The following KHDRBS3 variants were observed in gnomAD, a reference collection of about 807,000 sequenced individuals.
KHDRBS3 encodes KH domain-containing, RNA-binding, signal transduction-associated protein 3.
Under a neutral mutation model 45.6 loss-of-function variants are expected in KHDRBS3, and 23 were observed. The ratio of observed to expected loss-of-function variants is 0.50; its 90% CI spans 0.36 to 0.72. KHDRBS3 has a LOEUF of 0.72. Ranked by LOEUF, KHDRBS3 falls within the 30% of genes least tolerant of loss-of-function variation. The pLI is 0.00. For missense variants in KHDRBS3, 352 were observed against 424.8 expected, an observed-to-expected ratio of 0.83 and a Z score of 1.51; for synonymous variants, 162 against 156.5, an observed-to-expected ratio of 1.04 and a Z score of -0.26.
chr8:135,622,877 T>C (rs904168448), intron 7 of KHDRBS3, among the ~76,000 whole-genome samples: 4 of 152,234 alleles, frequency 2.6e-5, no homozygotes, highest in African/African-American at 7.2e-5. Flanking sequence ...AACCTTGATC[T>C]TGGTCTTTCC....
chr8:135,555,335 C>A (rs1826822872), intron 4 of KHDRBS3, among the ~76,000 whole-genome samples: 2 of 151,902 alleles, frequency 1.3e-5, no homozygotes, highest in African/African-American at 4.8e-5. Context: ...TGGCCCAGCA[C>A]AAATCCGTAA....
chr8:135,537,533 C>T (rs78264771), intron 2 of KHDRBS3, among the ~76,000 whole-genome samples: 2,060 of 152,266 alleles, frequency 0.014, 24 homozygotes, highest in Non-Finnish European at 0.019. Context: ...GATATACTTA[C>T]TATATGTTGT....
In KHDRBS3 at chr8:135,584,541, A is replaced by G. The variant is rs550177744; in HGVS notation, c.807+2468A>G. 5.9e-5 allele frequency among the ~76,000 whole-genome samples: 9 copies of G among 152,332 alleles called. No homozygotes were observed. In the South Asian group the frequency reaches 1.7e-3, roughly 28 times the overall value. On this transcript the variant is annotated intron_variant, in intron 6 of 8. Transcript: ENST00000355849. Reference sequence around the variant, plus strand: ...CTTTTAAGATTACTAGTCAAGAGAAAAGATTTTCCTCATTTAGCTTAGCAT... The same window carrying G: ...CTTTTAAGATTACTAGTCAAGAGAAGAGATTTTCCTCATTTAGCTTAGCAT...
At chr8:135,542,498 G>A (rs913515161) in intron 2 of KHDRBS3, 156 bp from the exon 3 acceptor site, 6 of 571,854 alleles carry the variant, frequency 1.0e-5, no homozygotes, top group Non-Finnish European at 1.9e-5. Context: ...TTTATGTGGT[G>A]TGTGGGAAAC....
intron 5 of KHDRBS3, among the ~76,000 whole-genome samples, chr8:135,573,566 G>A (rs1009299094): frequency 1.3e-5 from 2 of 152,208 alleles, no homozygotes; most frequent in Non-Finnish European, 2.9e-5. Context: ...CCAGTTTACA[G>A]ATAGGAAAAC....
intron 7 of KHDRBS3, among the ~76,000 whole-genome samples, chr8:135,637,175 T>C (rs138519964): frequency 6.6e-6 from 1 of 152,330 alleles, no homozygotes; most frequent in Non-Finnish European, 1.5e-5. Flanking sequence ...AAGGCTCTTA[T>C]TGAAAGCAGA....
intron 2 of KHDRBS3, among the ~76,000 whole-genome samples, chr8:135,536,080 G>A (rs1369396608): frequency 6.6e-6 from 1 of 151,868 alleles, no homozygotes; most frequent in East Asian, 1.9e-4. Flanking sequence ...TTTTCTAATT[G>A]GGTGGTTTCC....
chr8:135,580,086 C>T (rs1828130046), intron 5 of KHDRBS3, among the ~76,000 whole-genome samples: 1 of 152,154 alleles, frequency 6.6e-6, no homozygotes, highest in Non-Finnish European at 1.5e-5. Context: ...CCAGTTGTAG[C>T]CTCTGAGGGT....
At chr8:135,612,289 A>G (rs569135181) in intron 7 of KHDRBS3, among the ~76,000 whole-genome samples, 1 of 152,024 alleles carries the variant, frequency 6.6e-6, no homozygotes, top group South Asian at 2.1e-4. Flanking sequence ...GATGCTTTAA[A>G]ATCTCTTAGG....
chr8:135,599,087 TTC>T (rs1304523611), intron 6 of KHDRBS3, among the ~76,000 whole-genome samples: 1 of 152,210 alleles, frequency 6.6e-6, no homozygotes, highest in Middle Eastern at 3.2e-3. Context: ...AAAGCAAGAT[TTC>T]TCTGTTGTTT....
At chr8:135,590,279 C>T (rs1563790497) in intron 6 of KHDRBS3, among the ~76,000 whole-genome samples, 1 of 152,204 alleles carries the variant, frequency 6.6e-6, no homozygotes, top group African/African-American at 2.4e-5. Flanking sequence ...CTTACGGCTC[C>T]ACTGTCCTAT....
chr8:135,491,777 C>CT (rs975509992), intron 1 of KHDRBS3, among the ~76,000 whole-genome samples: 11 of 152,014 alleles, frequency 7.2e-5, no homozygotes, highest in South Asian at 6.2e-4. Context: ...TTGTTTTAGC[C>CT]TTTTTTTACT....
intron 1 of KHDRBS3, among the ~76,000 whole-genome samples, chr8:135,491,682 T>C (rs1586600262): frequency 6.6e-6 from 1 of 152,304 alleles, no homozygotes; most frequent in East Asian, 1.9e-4. Context: ...TGGTTCTCAG[T>C]GTGTCATTCA....
At chr8:135,645,357 G>A (rs556441631) in intron 8 of KHDRBS3, among the ~76,000 whole-genome samples, 17 of 152,170 alleles carry the variant, frequency 1.1e-4, no homozygotes, top group Non-Finnish European at 1.9e-4. Context: ...TTATGTTTGA[G>A]TTGGTCGCCG....
intron 6 of KHDRBS3, among the ~76,000 whole-genome samples, chr8:135,606,226 G>T (rs886992096): frequency 1.1e-4 from 16 of 151,806 alleles, no homozygotes; most frequent in African/African-American, 3.6e-4. Context: ...TCTTTTCTGG[G>T]CATGGATATG....
intron 5 of KHDRBS3, among the ~76,000 whole-genome samples, chr8:135,578,683 T>C (rs1828061121): frequency 6.6e-6 from 1 of 152,148 alleles, no homozygotes; most frequent in African/African-American, 2.4e-5. Flanking sequence ...TTGTCAGTAT[T>C]GTGTTGTCTG....
intron 7 of KHDRBS3, among the ~76,000 whole-genome samples, chr8:135,639,832 T>C (rs1830984170): frequency 1.3e-5 from 2 of 152,102 alleles, no homozygotes; most frequent in African/African-American, 4.8e-5. Context: ...GGGATGTTGC[T>C]AAACCATTCA....
intron 7 of KHDRBS3, among the ~76,000 whole-genome samples, chr8:135,626,853 C>T (rs1830393813): frequency 2.1e-5 from 3 of 145,176 alleles, no homozygotes; most frequent in Admixed American, 2.1e-4. Context: ...AGGCAGTTCT[C>T]ATAAGGAAAA....
chr8:135,625,215 TC>T, intron 7 of KHDRBS3: 1 of 1,408,112 alleles, frequency 7.1e-7, no homozygotes, highest in African/African-American at 1.4e-5. Flanking sequence ...CCTGTGGGCC[TC>T]CTTCATCAGA....
Sources: allele counts gnomAD v4.1 joint callset (sites outside exome capture counted in the v4.1 genomes callset), GRCh38; gene constraint gnomAD v4.1.1; transcripts MANE v1.5; gene names NCBI Gene and HGNC (gene_info 2026-07-23, HGNC 2026-07-21).